The following DMXL1 variants were observed in gnomAD, a reference collection of about 807,000 sequenced individuals.
DMXL1 encodes Dmx like 1.
A neutral mutation model predicts 319.2 loss-of-function variants in DMXL1; 99 were observed. The observed-to-expected ratio is 0.31, with a 90% confidence interval of 0.26 to 0.37. The LOEUF (loss-of-function observed/expected upper bound fraction) is 0.37. Among genes scored for constraint, DMXL1 ranks in the 10% least tolerant of loss-of-function variants. The probability of loss-of-function intolerance (pLI) is 1.00; values close to 1 mark genes in which losing one functional copy is unlikely to be tolerated. For missense variants in DMXL1, 3,745 were observed against 3,595.6 expected, an observed-to-expected ratio of 1.04 and a Z score of -1.06; for synonymous variants, 1,385 against 1,235.2, an observed-to-expected ratio of 1.12 and a Z score of -2.54.
At chr5:119,116,074 G>T (rs192496348) in intron 6 of DMXL1, 84 bp from the exon 7 acceptor site, 8 of 1,295,760 alleles carry the variant, frequency 6.2e-6, no homozygotes, top group East Asian at 2.5e-5. Context: ...CTTGCCATTG[G>T]GGAGAAAATT....
chr5:119,229,639 A>T (rs896511030), intron 38 of DMXL1, among the ~76,000 whole-genome samples: 2 of 152,194 alleles, frequency 1.3e-5, no homozygotes, highest in Non-Finnish European at 2.9e-5. Flanking sequence ...TTCATACCTC[A>T]TAGCTTCACA....
chr5:119,122,953 A>T (rs890681839), intron 9 of DMXL1, among the ~76,000 whole-genome samples: 1 of 152,176 alleles, frequency 6.6e-6, no homozygotes, highest in Non-Finnish European at 1.5e-5. Flanking sequence ...CAAGGCAGGC[A>T]GCTGGGAGGT....
intron 39 of DMXL1, 86 bp from the exon 40 acceptor site, chr5:119,237,236 A>G: frequency 1.4e-6 from 1 of 704,630 alleles, no homozygotes; most frequent in Non-Finnish European, 2.3e-6. Flanking sequence ...TTTACGAGTC[A>G]AAATATGGGT....
At chr5:119,107,316 G>C (rs1758578048) in intron 4 of DMXL1, among the ~76,000 whole-genome samples, 1 of 151,954 alleles carries the variant, frequency 6.6e-6, no homozygotes, top group Admixed American at 6.6e-5. Flanking sequence ...TTTCTAGCCT[G>C]GGTGACAGAG....
intron 32 of DMXL1, 138 bp downstream of exon 32, chr5:119,198,094 T>A: frequency 1.3e-6 from 1 of 755,718 alleles, no homozygotes; most frequent in East Asian, 2.7e-5. Context: ...GTTCAAGTGA[T>A]TCTCCTGCCT....
intron 34 of DMXL1, among the ~76,000 whole-genome samples, chr5:119,208,423 C>T (rs972940931): frequency 6.6e-6 from 1 of 151,810 alleles, no homozygotes; most frequent in Admixed American, 6.6e-5. Flanking sequence ...CATGTTGGTC[C>T]GGCTGGTCTT....
chr5:119,160,231 G>A (rs776354594), intron 19 of DMXL1, among the ~76,000 whole-genome samples: 3 of 151,908 alleles, frequency 2.0e-5, no homozygotes, highest in Non-Finnish European at 4.4e-5. Context: ...AGCATATTCT[G>A]TTTTTGTATT....
intron 8 of DMXL1, among the ~76,000 whole-genome samples, chr5:119,119,266 A>G (rs944434649): frequency 2.0e-5 from 3 of 152,226 alleles, no homozygotes; most frequent in Admixed American, 6.5e-5. Flanking sequence ...AGTAACATGA[A>G]GTAAAATCTG....
At chr5:119,199,698 T>C (rs1484499585) in intron 32 of DMXL1, among the ~76,000 whole-genome samples, 5 of 152,204 alleles carry the variant, frequency 3.3e-5, no homozygotes, top group African/African-American at 1.2e-4. Context: ...GCGTAAGTGT[T>C]CCCTTTTCTC....
chr5:119,175,365 A>G, intron 26 of DMXL1, 28 bp downstream of exon 26: 1 of 1,507,990 alleles, frequency 6.6e-7, no homozygotes, highest in Non-Finnish European at 9.2e-7. Context: ...AAATTTAAGA[A>G]TGCTTACAGT....
intron 28 of DMXL1, among the ~76,000 whole-genome samples, chr5:119,186,705 C>G (rs1269179727): frequency 1.3e-5 from 2 of 152,170 alleles, no homozygotes; most frequent in Non-Finnish European, 2.9e-5. Flanking sequence ...TCCTCCCCTT[C>G]CCTATGTGTA....
chr5:119,105,028 T>C, intron 3 of DMXL1, 152 bp from the exon 4 acceptor site: 1 of 569,638 alleles, frequency 1.8e-6, no homozygotes, highest in Non-Finnish European at 3.2e-6. Flanking sequence ...TTCTTTATCA[T>C]GTGTTCTCTA....
intron 13 of DMXL1, among the ~76,000 whole-genome samples, chr5:119,137,832 A>T (rs1287796466): frequency 6.6e-6 from 1 of 152,114 alleles, no homozygotes; most frequent in Non-Finnish European, 1.5e-5. Context: ...AGCAGTATGA[A>T]AATGGACTAA....
At chr5:119,153,651 G>A (rs911635341) in intron 19 of DMXL1, among the ~76,000 whole-genome samples, 1 of 152,196 alleles carries the variant, frequency 6.6e-6, no homozygotes, top group African/African-American at 2.4e-5. Context: ...CGATTCCACA[G>A]ATAAGTGAGA....
At chr5:119,197,257 C>G (rs1226140515) in intron 31 of DMXL1, among the ~76,000 whole-genome samples, 1 of 152,120 alleles carries the variant, frequency 6.6e-6, no homozygotes, top group African/African-American at 2.4e-5. Context: ...CTGGGCCACA[C>G]AGGAAGAAGA....
At chr5:119,246,558 A>G (rs999955132) in intron 43 of DMXL1, among the ~76,000 whole-genome samples, 9 of 146,902 alleles carry the variant, frequency 6.1e-5, no homozygotes, top group Non-Finnish European at 1.4e-4. Flanking sequence ...ATTTTTCTCT[A>G]TTTTTGTTTT....
Position 119,178,194 on chromosome 5 carries a change from GAGGTGCACATGTTCCTA to G in DMXL1, c.7086_7102del (p.Gly2363GlnfsTer16). On this transcript the variant is annotated frameshift_variant, in exon 28 of 44. Transcript: ENST00000539542. LOFTEE classifies it high-confidence loss of function. ...AAAATGTGGTCTGCTGTGTTTGGTG[GAGGTGCACATGTTCCTA>G]GCAAAGAACAGACACATTCAAAAAC... 1.2e-6 allele frequency: 2 copies of G among 1,613,872 alleles called. No homozygotes were observed. Among genetic ancestry groups the G allele is most frequent in the Non-Finnish European group, 1.7e-6 (2 of 1,179,810 alleles).
chr5:119,151,143 A>G (rs1769701523), intron 18 of DMXL1, among the ~76,000 whole-genome samples: 1 of 152,080 alleles, frequency 6.6e-6, no homozygotes, highest in Non-Finnish European at 1.5e-5. Context: ...TTTTTAAAAC[A>G]TTGAGTTTTT....
rs1468662670 is a variant in DMXL1, at chr5:119,135,703, T to A, written c.2376+1314T>A. Among the ~76,000 whole-genome samples the A allele has an allele frequency of 2.0e-5, 3 of 152,218 alleles. No individual in the cohort carries two copies. The South Asian group carries it at 6.2e-4, about 31-fold the overall frequency. The stretch of plus-strand genomic sequence containing the variant: ...TGATCTTAAAAGTGGCAGTTTCCCC[T>A]GTGCACGTGCCGTCTCCTGACACCT... On this transcript the variant is annotated intron_variant, in intron 13 of 43. Transcript: ENST00000539542.
Sources: allele counts gnomAD v4.1 joint callset (sites outside exome capture counted in the v4.1 genomes callset), GRCh38; gene constraint gnomAD v4.1.1; transcripts MANE v1.5; gene names NCBI Gene and HGNC (gene_info 2026-07-23, HGNC 2026-07-21).